ZNF503: variants seen among roughly 807,000 people sequenced by gnomAD.
ZNF503 encodes the protein NocA-like zinc finger 2.
In ZNF503, 15 loss-of-function variants were observed where a neutral mutation model predicts 34.4. That is an observed-to-expected ratio of 0.44 (90% confidence interval 0.29 to 0.67). The LOEUF (loss-of-function observed/expected upper bound fraction) is 0.67, where lower values mean the gene tolerates loss of function less well. Ranked by LOEUF, ZNF503 falls within the 30% of genes least tolerant of loss-of-function variation. The pLI, the probability that ZNF503 is intolerant of heterozygous loss-of-function variation, is 0.13. For synonymous variants in ZNF503, 580 were observed against 456.8 expected (o/e 1.27, Z -3.44); for missense variants, 1,007 against 926.8 (o/e 1.09, Z -1.12).
At chr10:75,335,444 A>T in the ZNF503 span, among the ~76,000 whole-genome samples, 1 of 152,178 alleles carries the variant, frequency 6.6e-6, no homozygotes, top group Non-Finnish European at 1.5e-5. Context: ...GGTGCTTTTA[A>T]AACTCTTGAG....
At position 75,399,717 on chromosome 10, in the gene ZNF503, C is replaced by T; in HGVS notation, c.973G>A (p.Ala325Thr). The change falls in exon 2 of 2, where the codon GCG (alanine) becomes ACG (threonine). Residue 325 changes from alanine (A) to threonine (T), a missense_variant. Physicochemically the swap from Ala to Thr is moderately conservative, Grantham distance 58. Coordinates refer to ENST00000372524, the MANE Select transcript of ZNF503 (RefSeq NM_032772.6). The part of the protein sequence containing the change: ...SGSSSGSGPS[A>T]PTSSSVLGSG... ...CCCAACACTGAGGAGGAGGTGGGCG[C>T]GCTGGGGCCGGAGCCGGAGCTGGAG... 1 of 1,597,894 alleles carries T rather than the reference C, an allele frequency of 6.3e-7. No homozygotes were observed. The highest frequency in any genetic ancestry group is 1.1e-5 in the South Asian group (1 of 90,370).
chr10:75,401,604 G>T lies in ZNF503; in HGVS notation c.-185C>A. 1.4e-6 allele frequency: 1 copy of T among 703,890 alleles called. No individual in the cohort carries two copies. Among genetic ancestry groups the T allele is most frequent in the African/African-American group, 1.9e-5 (1 of 52,610 alleles). 43.6% of individuals were successfully genotyped at this position (703,890 alleles called of 1,614,324 possible). A position where few individuals can be genotyped will look rare whatever the true frequency, so the allele number is the denominator to read the frequency against. On this transcript the variant is annotated 5_prime_UTR_variant, in exon 1 of 2. Coordinates refer to ENST00000372524, the MANE Select transcript of ZNF503 (RefSeq NM_032772.6). ...AGACGCGAGTAATCCTGGGTGGCCC[G>T]CAGCGGAGCCGTGGCCGGGCTAGAG...
the ZNF503 span, among the ~76,000 whole-genome samples, chr10:75,369,225 G>T: frequency 6.6e-6 from 1 of 152,308 alleles, no homozygotes; most frequent in Middle Eastern, 3.4e-3. Context: ...AACTTTGAGC[G>T]AGAATTTCAT....
In ZNF503 at chr10:75,401,604, G is replaced by A. The variant is rs2131993134; in HGVS notation, c.-185C>T. 1 of 703,886 alleles carries A rather than the reference G, an allele frequency of 1.4e-6. No individual in the cohort carries two copies. The allele number at this position is 703,886 out of a possible 1,614,324, so 43.6% of individuals were successfully genotyped here. ...AGACGCGAGTAATCCTGGGTGGCCC[G>A]CAGCGGAGCCGTGGCCGGGCTAGAG... is the stretch of plus-strand genomic sequence containing the variant. On this transcript the variant is annotated 5_prime_UTR_variant, in exon 1 of 2. Transcript: ENST00000372524.
the ZNF503 span, among the ~76,000 whole-genome samples, chr10:75,340,815 C>T: frequency 6.6e-6 from 1 of 152,060 alleles, no homozygotes; most frequent in Non-Finnish European, 1.5e-5. Context: ...GTTGGTCACG[C>T]TGGTCTCGGA....
At chr10:75,302,086 G>T in the ZNF503 span, among the ~76,000 whole-genome samples, 2 of 152,140 alleles carry the variant, frequency 1.3e-5, no homozygotes, top group African/African-American at 4.8e-5. Context: ...TTGTTTATCT[G>T]TGAACAACTT....
the ZNF503 span, among the ~76,000 whole-genome samples, chr10:75,323,281 T>G: frequency 6.6e-6 from 1 of 152,260 alleles, no homozygotes; most frequent in Non-Finnish European, 1.5e-5. Context: ...GAAAGACCTC[T>G]GGGTTACTCC....
the ZNF503 span, chr10:75,343,233 G>A: frequency 0.36 from 54,822 of 152,178 alleles, 10,153 homozygotes; most frequent in Middle Eastern, 0.41. Context: ...GCCTTATCTT[G>A]TACAAGATTC....
chr10:75,323,799 G>A, the ZNF503 span, among the ~76,000 whole-genome samples: 11 of 151,968 alleles, frequency 7.2e-5, no homozygotes, highest in South Asian at 8.3e-4. Flanking sequence ...TCAGGAGTTC[G>A]AGACCAGCCT....
At chr10:75,353,472 C>A in the ZNF503 span, among the ~76,000 whole-genome samples, 1 of 152,200 alleles carries the variant, frequency 6.6e-6, no homozygotes, top group Non-Finnish European at 1.5e-5. Context: ...CGGCCAGGAC[C>A]CTCAGGGCAG....
At chr10:75,297,445 A>C in the ZNF503 span, among the ~76,000 whole-genome samples, 1 of 152,200 alleles carries the variant, frequency 6.6e-6, no homozygotes, top group South Asian at 2.1e-4. Flanking sequence ...AGCAATATAC[A>C]AAATCCCCTG....
the ZNF503 span, among the ~76,000 whole-genome samples, chr10:75,369,632 G>A: frequency 1.1e-3 from 161 of 152,282 alleles, no homozygotes; most frequent in African/African-American, 3.4e-3. Context: ...TTATAGCAGC[G>A]TGAGAACAGA....
At chr10:75,294,382 G>A in the ZNF503 span, among the ~76,000 whole-genome samples, 2 of 152,214 alleles carry the variant, frequency 1.3e-5, no homozygotes, top group South Asian at 4.1e-4. Flanking sequence ...AGAAGAGGGC[G>A]GACGGGGTTC....
chr10:75,317,748 C>G, the ZNF503 span, among the ~76,000 whole-genome samples: 2 of 152,122 alleles, frequency 1.3e-5, no homozygotes, highest in African/African-American at 2.4e-5. Flanking sequence ...ATAATCCCAG[C>G]ACTTCGGGAG....
At chr10:75,301,957 C>T in the ZNF503 span, among the ~76,000 whole-genome samples, 5 of 152,136 alleles carry the variant, frequency 3.3e-5, no homozygotes, top group South Asian at 1.0e-3. Context: ...TATATCATTT[C>T]TGGCACTCTT....
the ZNF503 span, chr10:75,382,754 G>C: frequency 6.1e-6 from 2 of 327,388 alleles, no homozygotes; most frequent in Non-Finnish European, 1.2e-5. Flanking sequence ...TTATCTGGTT[G>C]CTCTCTCAGA....
the ZNF503 span, among the ~76,000 whole-genome samples, chr10:75,346,807 ATT>A: frequency 1.1e-3 from 159 of 141,004 alleles, 1 homozygote; most frequent in Middle Eastern, 7.6e-3. Flanking sequence ...ATTAAAAAGA[ATT>A]TTTTTTTTTT....
At chr10:75,390,243 C>T in the ZNF503 span, among the ~76,000 whole-genome samples, 1 of 152,110 alleles carries the variant, frequency 6.6e-6, no homozygotes, top group Non-Finnish European at 1.5e-5. Flanking sequence ...TATGCTACTG[C>T]CTTTCCACCC....
At chr10:75,317,840 A>G in the ZNF503 span, among the ~76,000 whole-genome samples, 1 of 151,972 alleles carries the variant, frequency 6.6e-6, no homozygotes, top group Non-Finnish European at 1.5e-5. Context: ...TACTAAAAAT[A>G]CAAAAATTAG....
Sources: gnomAD v4.1 joint callset for allele counts (sites outside exome capture counted in the v4.1 genomes callset) on GRCh38, gnomAD v4.1.1 for gene constraint, MANE v1.5 for transcripts, NCBI Gene and HGNC (gene_info 2026-07-23, HGNC 2026-07-21) for gene names.